The following GPHN variants were observed in gnomAD, a reference collection of about 807,000 sequenced individuals.
GPHN encodes gephyrin.
Under a neutral mutation model 95.5 loss-of-function variants are expected in GPHN, and 17 were observed. The observed-to-expected ratio is 0.18, with a 90% CI of 0.12 to 0.27. The LOEUF (loss-of-function observed/expected upper bound fraction) is 0.27. Ranked by LOEUF, GPHN falls within the 10% of genes least tolerant of loss-of-function variation. The probability of loss-of-function intolerance (pLI) is 1.00; values close to 1 mark genes in which losing one functional copy is unlikely to be tolerated. For missense variants in GPHN, 660 were observed against 978.1 expected, an observed-to-expected ratio of 0.67 and a Z score of 4.34; for synonymous variants, 320 against 322.5, an observed-to-expected ratio of 0.99 and a Z score of 0.08.
At chr14:67,539,085 C>A in the GPHN span, among the ~76,000 whole-genome samples, 1 of 152,094 alleles carries the variant, frequency 6.6e-6, no homozygotes, top group Non-Finnish European at 1.5e-5. Context: ...ATTTCTTAGC[C>A]CTGAACTGAG....
the GPHN span, among the ~76,000 whole-genome samples, chr14:67,514,180 C>G: frequency 2.6e-4 from 40 of 152,274 alleles, no homozygotes; most frequent in South Asian, 6.0e-3. Flanking sequence ...GAGCAGTGCC[C>G]GAACACTCTG....
At chr14:67,209,007 G>T in the GPHN span, among the ~76,000 whole-genome samples, 1 of 151,790 alleles carries the variant, frequency 6.6e-6, no homozygotes, top group Admixed American at 6.6e-5. Flanking sequence ...GATAGGAAAA[G>T]AGTAAGTTAT....
chr14:66,624,549 C>T (rs1250132068), intron 1 of GPHN, among the ~76,000 whole-genome samples: 1 of 152,170 alleles, frequency 6.6e-6, no homozygotes, highest in Non-Finnish European at 1.5e-5. Context: ...GCTCCAAGGA[C>T]AGTCTAAAAG....
chr14:66,681,280 T>C (rs2066918682), intron 2 of GPHN, 95 bp downstream of exon 2: 1 of 800,980 alleles, frequency 1.2e-6, no homozygotes, highest in Non-Finnish European at 2.1e-6. Flanking sequence ...TTATTTAAGG[T>C]ACAACAATTT....
At position 67,110,253 on chromosome 14, in the gene GPHN, A is replaced by G; in HGVS notation, c.1407A>G (p.Ser469=). 3 of 1,613,676 alleles carry G rather than the reference A, an allele frequency of 1.9e-6. No homozygotes were observed. Among genetic ancestry groups the G allele is most frequent in the Non-Finnish European group, 2.5e-6 (3 of 1,179,584 alleles). The change falls in exon 14 of 23, where the codon TCA becomes TCG. Residue 469 remains serine, a synonymous_variant. Transcript: ENST00000478722. ...AAGATACCGAACTTATCAGGGAATC[A>G]GATGATGTACGTCATCACCAAGTCT... ...QVEDTELIRE[S]DDGTEELEVR...
chr14:66,619,405 A>G (rs1179926342), intron 1 of GPHN, among the ~76,000 whole-genome samples: 20 of 151,382 alleles, frequency 1.3e-4, no homozygotes, highest in Admixed American at 1.3e-3. Context: ...AATTTTAACC[A>G]CTGTAAAAGG....
At chr14:66,669,135 G>A (rs1283723712) in intron 1 of GPHN, among the ~76,000 whole-genome samples, 6 of 152,082 alleles carry the variant, frequency 3.9e-5, no homozygotes, top group African/African-American at 1.2e-4. Flanking sequence ...AGGCCAAGAC[G>A]GGTGGATCAG....
At chr14:66,870,453 C>A (rs2153527435) in intron 4 of GPHN, among the ~76,000 whole-genome samples, 1 of 152,264 alleles carries the variant, frequency 6.6e-6, no homozygotes, top group East Asian at 1.9e-4. Context: ...ATACAGTCAG[C>A]CCTGCAGAAC....
At position 67,101,517 on chromosome 14, in the gene GPHN, T is replaced by G. The variant is rs1340758806; in HGVS notation, c.1293+606T>G. 2.0e-5 allele frequency among the ~76,000 whole-genome samples: 3 copies of G among 151,494 alleles called. No homozygotes were observed. In the East Asian group the frequency reaches 5.8e-4, roughly 29 times the overall value. On this transcript the variant is annotated intron_variant, in intron 13 of 22. Coordinates refer to ENST00000478722, the MANE Select transcript of GPHN (RefSeq NM_020806.5). Reference sequence around the variant, plus strand: ...AATATAAATTTAACTTAAATATTTATTAGTCAATAATTTGATGAAGAACCA... The same window carrying G: ...AATATAAATTTAACTTAAATATTTAGTAGTCAATAATTTGATGAAGAACCA...
chr14:67,596,614 GCC>G, the GPHN span, among the ~76,000 whole-genome samples: 3 of 151,980 alleles, frequency 2.0e-5, no homozygotes, highest in Non-Finnish European at 4.4e-5. Flanking sequence ...AGCTGTCTAG[GCC>G]CTGACCTTGA....
intron 3 of GPHN, among the ~76,000 whole-genome samples, chr14:66,792,002 C>G (rs965959510): frequency 6.6e-6 from 1 of 152,136 alleles, no homozygotes; most frequent in Admixed American, 6.5e-5. Flanking sequence ...CAGGGGAACT[C>G]CCATTTATAA....
At chr14:66,750,583 G>T (rs2058328829) in intron 2 of GPHN, among the ~76,000 whole-genome samples, 1 of 151,866 alleles carries the variant, frequency 6.6e-6, no homozygotes, top group Non-Finnish European at 1.5e-5. Context: ...CACAGGTAAA[G>T]TTGATTCATA....
chr14:66,906,569 C>T (rs2065390532), intron 5 of GPHN, among the ~76,000 whole-genome samples: 2 of 152,136 alleles, frequency 1.3e-5, no homozygotes, highest in African/African-American at 4.8e-5. Context: ...GCCCCAGGGC[C>T]ACATCTCATC....
the GPHN span, among the ~76,000 whole-genome samples, chr14:67,324,754 T>G: frequency 2.0e-5 from 3 of 151,970 alleles, no homozygotes; most frequent in African/African-American, 7.3e-5. Context: ...CTGGCTAATT[T>G]TTTATGTATT....
intron 20 of GPHN, among the ~76,000 whole-genome samples, chr14:67,165,660 A>C (rs1328221233): frequency 6.6e-6 from 1 of 152,236 alleles, no homozygotes; most frequent in African/African-American, 2.4e-5. Context: ...AAATCAAAAA[A>C]TACAAAGCTG....
the GPHN span, chr14:67,364,541 T>G: frequency 2.3e-6 from 1 of 431,858 alleles, no homozygotes; most frequent in Non-Finnish European, 4.1e-6. Context: ...AGGCAGAGAA[T>G]CACCCAAGCA....
intron 4 of GPHN, among the ~76,000 whole-genome samples, chr14:66,868,022 T>C (rs1379894158): frequency 6.6e-6 from 1 of 152,200 alleles, no homozygotes; most frequent in Admixed American, 6.5e-5. Context: ...GCAATCTGTA[T>C]TTTAACAAGG....
chr14:67,383,006 A>AT, the GPHN span, among the ~76,000 whole-genome samples: 1 of 151,936 alleles, frequency 6.6e-6, no homozygotes, highest in Non-Finnish European at 1.5e-5. Flanking sequence ...TTTTAACAGG[A>AT]TATCTATTTG....
the GPHN span, chr14:67,586,877 A>G: frequency 6.6e-7 from 1 of 1,521,802 alleles, no homozygotes; most frequent in Non-Finnish European, 8.8e-7. Flanking sequence ...GAGGATCTCC[A>G]GACCAACAGG....
Sources: gnomAD v4.1 joint callset for allele counts (sites outside exome capture counted in the v4.1 genomes callset) on GRCh38, gnomAD v4.1.1 for gene constraint, MANE v1.5 for transcripts, NCBI Gene and HGNC (gene_info 2026-07-23, HGNC 2026-07-21) for gene names.